Variants in TIMMDC1 observed in about 807,000 individuals in gnomAD.
TIMMDC1 encodes the protein translocase of inner mitochondrial membrane domain containing 1.
TIMMDC1 carries 25 observed loss-of-function variants against 32.6 expected under a neutral mutation model. The observed-to-expected ratio is 0.77, with a 90% CI of 0.56 to 1.07. The LOEUF (loss-of-function observed/expected upper bound fraction) is 1.07, where lower values mean the gene tolerates loss of function less well. Ranked by LOEUF, TIMMDC1 falls within the 50% of genes least tolerant of loss-of-function variation. The pLI is 0.00. For missense variants in TIMMDC1, 329 were observed against 349.2 expected (o/e 0.94, Z 0.46); for synonymous variants, 130 against 127.6 (o/e 1.02, Z -0.13).
At position 119,498,681 on chromosome 3, in the gene TIMMDC1, C is replaced by A; in HGVS notation, c.-53C>A. 1 of 1,556,530 alleles carries A rather than the reference C, an allele frequency of 6.4e-7. No homozygotes were observed. The highest frequency in any genetic ancestry group is 8.8e-7 in the Non-Finnish European group (1 of 1,133,652). ...GTTACGCTCTCCCGCGGCACGTCCG[C>A]GAGGACTTGAAGTCCTGAGCGCTCA... On this transcript the variant is annotated 5_prime_UTR_variant, in exon 1 of 7. Transcript: ENST00000494664.
In TIMMDC1 at chr3:119,504,038, T is replaced by A; in HGVS notation, c.517+17T>A. ...TTGCAGGAGGTAAGACATTTTTGTT[T>A]ATATTTTTCAGTCTTCTCAAATACA... On this transcript the variant is annotated intron_variant, in intron 4 of 6. Coordinates refer to ENST00000494664, the MANE Select transcript of TIMMDC1 (RefSeq NM_016589.4). The A allele has an allele frequency of 6.3e-7, 1 of 1,590,574 alleles. No homozygotes were observed. The highest frequency in any genetic ancestry group is 8.6e-7 in the Non-Finnish European group (1 of 1,159,188).
rs576335267 is a variant in TIMMDC1 at position 119,498,676 on chromosome 3, G to T, written c.-58G>T. 10 of 1,549,034 alleles carry T rather than the reference G, an allele frequency of 6.5e-6. No homozygotes were observed. In the Admixed American group the frequency reaches 1.5e-4, roughly 24 times the overall value. On this transcript the variant is annotated 5_prime_UTR_variant, in exon 1 of 7. Coordinates refer to ENST00000494664, the MANE Select transcript of TIMMDC1 (RefSeq NM_016589.4). ...GTACAGTTACGCTCTCCCGCGGCAC[G>T]TCCGCGAGGACTTGAAGTCCTGAGC...
chr3:119,500,780 A>G lies in TIMMDC1; in HGVS notation c.280A>G (p.Ile94Val), dbSNP rs749844965. 2 of 1,614,182 alleles carry G rather than the reference A, an allele frequency of 1.2e-6. No homozygotes were observed. The highest frequency in any genetic ancestry group is 3.3e-5 in the Admixed American group (2 of 60,030). ...CATCATTGGCTGGGTGTATGGGGGA[A>G]TACCAGCTTTTATTCATGCTAAACA... ...AGIIGWVYGG[I>V]PAFIHAKQQY... is the part of the protein sequence containing the mutation. Residue 94 changes from isoleucine (I) to valine (V), a missense_variant, in exon 2 of 7, where the codon ATA (isoleucine) becomes GTA (valine). Physicochemically the swap from Ile to Val is conservative, Grantham distance 29 (BLOSUM62 3). Coordinates refer to ENST00000494664, the MANE Select transcript of TIMMDC1 (RefSeq NM_016589.4).
chr3:119,514,967 A>T (rs2081975733), intron 5 of TIMMDC1, among the ~76,000 whole-genome samples: 1 of 152,130 alleles, frequency 6.6e-6, no homozygotes, highest in African/African-American at 2.4e-5. Flanking sequence ...AGGCAGGTAG[A>T]TCACTTGTGA....
chr3:119,503,589 TG>T lies in TIMMDC1; in HGVS notation c.420del (p.Trp140Ter). ...CATTCGTTATGGCTGGCGCTGGGGT[TG>T]GAGAACTGCAGTGTTTGTGACTATA... ...GFIRYGWRWG[W>X]RTAVFVTIFN... On this transcript the variant is annotated frameshift_variant, in exon 3 of 7. Coordinates refer to ENST00000494664, the MANE Select transcript of TIMMDC1 (RefSeq NM_016589.4). LOFTEE classifies it high-confidence loss of function. The T allele has an allele frequency of 6.2e-7, 1 of 1,612,044 alleles. No individual in the cohort carries two copies. Among genetic ancestry groups the T allele is most frequent in the South Asian group, 1.1e-5 (1 of 90,540 alleles).
chr3:119,506,615 T>C (rs1423445168), intron 4 of TIMMDC1, among the ~76,000 whole-genome samples: 22 of 152,166 alleles, frequency 1.4e-4, no homozygotes, highest in Admixed American at 1.4e-3. Context: ...ATTAAATATA[T>C]ATGGATTCTT....
At chr3:119,512,437 C>G (rs180852312) in intron 4 of TIMMDC1, among the ~76,000 whole-genome samples, 13 of 152,178 alleles carry the variant, frequency 8.5e-5, no homozygotes, top group African/African-American at 3.1e-4. Flanking sequence ...TGCCGCCATG[C>G]CCGGCTAATT....
chr3:119,509,295 A>G (rs1360926864), intron 4 of TIMMDC1, among the ~76,000 whole-genome samples: 1 of 152,222 alleles, frequency 6.6e-6, no homozygotes, highest in African/African-American at 2.4e-5. Flanking sequence ...TGTCCACGCA[A>G]AGACTTATAT....
intron 6 of TIMMDC1, among the ~76,000 whole-genome samples, chr3:119,519,977 C>T (rs1469123237): frequency 3.9e-5 from 6 of 151,962 alleles, no homozygotes; most frequent in African/African-American, 1.5e-4. Flanking sequence ...TGTGCAAATA[C>T]ACAGAAATTA....
intron 6 of TIMMDC1, among the ~76,000 whole-genome samples, chr3:119,518,484 A>G (rs1313995811): frequency 6.6e-6 from 1 of 151,196 alleles, no homozygotes; most frequent in Non-Finnish European, 1.5e-5. Context: ...GAAGAAAAGC[A>G]TTGAGGTTGC....
intron 6 of TIMMDC1, among the ~76,000 whole-genome samples, chr3:119,519,557 A>G (rs1464091833): frequency 6.6e-6 from 1 of 152,180 alleles, no homozygotes; most frequent in African/African-American, 2.4e-5. Flanking sequence ...AGAGGAAATA[A>G]CAACTGTAAA....
intron 3 of TIMMDC1, 95 bp from the exon 4 acceptor site, chr3:119,503,859 T>C: frequency 8.8e-7 from 1 of 1,139,988 alleles, no homozygotes; most frequent in East Asian, 2.4e-5. Context: ...ATAGTAGGCT[T>C]TTCTAAATCT....
intron 6 of TIMMDC1, among the ~76,000 whole-genome samples, chr3:119,520,551 T>G (rs1209529455): frequency 6.6e-6 from 1 of 152,078 alleles, no homozygotes; most frequent in Non-Finnish European, 1.5e-5. Context: ...AATAGAAAAC[T>G]TGAACAGACC....
intron 4 of TIMMDC1, among the ~76,000 whole-genome samples, chr3:119,507,509 T>C (rs571945008): frequency 6.6e-6 from 1 of 152,366 alleles, no homozygotes; most frequent in South Asian, 2.1e-4. Flanking sequence ...TCTCTTCGAA[T>C]TTCCATCTCT....
At chr3:119,500,980 TAAAG>T in intron 2 of TIMMDC1, 120 bp downstream of exon 2, 1 of 1,001,962 alleles carries the variant, frequency 1.0e-6, no homozygotes, top group Non-Finnish European at 1.5e-6. Flanking sequence ...AGTAAAGAAA[TAAAG>T]TCTGTACTTA....
chr3:119,523,566 A>G lies in TIMMDC1; in HGVS notation c.708-40A>G, dbSNP rs760849094. ...TTTTAAATCTGTAAGAACTAAAGAA[A>G]TGGAGCAGTATTTGATTTATCCTTT... is the stretch of plus-strand genomic sequence containing the variant. On this transcript the variant is annotated intron_variant, in intron 6 of 6. Coordinates refer to ENST00000494664, the MANE Select transcript of TIMMDC1 (RefSeq NM_016589.4). The G allele has an allele frequency of 1.7e-5, 26 of 1,524,522 alleles. No homozygotes were observed. In the East Asian group the frequency reaches 4.6e-4, roughly 27 times the overall value. 94.4% of individuals were successfully genotyped at this position (1,524,522 alleles called of 1,614,324 possible).
chr3:119,501,898 C>T (rs2081878512), intron 2 of TIMMDC1, among the ~76,000 whole-genome samples: 1 of 152,106 alleles, frequency 6.6e-6, no homozygotes, highest in Non-Finnish European at 1.5e-5. Context: ...CTCATGACTG[C>T]ATTCAGACTA....
At chr3:119,513,941 T>C (rs1015290647) in intron 5 of TIMMDC1, among the ~76,000 whole-genome samples, 1 of 152,192 alleles carries the variant, frequency 6.6e-6, no homozygotes, top group Non-Finnish European at 1.5e-5. Context: ...TTAGTAGTTA[T>C]TACAATAAAT....
rs1234701372 is a variant in TIMMDC1 at position 119,521,156 on chromosome 3, T to C, written c.708-2450T>C. Reference sequence around the variant, plus strand: ...CTGAACAGGGAAAAGTGAAAAGCTTTTCCCTCAAAGAACTGGAATGAAATA... The same window carrying C: ...CTGAACAGGGAAAAGTGAAAAGCTTCTCCCTCAAAGAACTGGAATGAAATA... On this transcript the variant is annotated intron_variant, in intron 6 of 6. Transcript: ENST00000494664. 2.0e-5 allele frequency among the ~76,000 whole-genome samples: 3 copies of C among 152,282 alleles called. No homozygotes were observed. The South Asian group carries it at 6.2e-4, about 32-fold the overall frequency.
Sources: allele counts gnomAD v4.1 joint callset (sites outside exome capture counted in the v4.1 genomes callset), GRCh38; gene constraint gnomAD v4.1.1; transcripts MANE v1.5; gene names NCBI Gene and HGNC (gene_info 2026-07-23, HGNC 2026-07-21).